PANK1: variants seen among roughly 807,000 people sequenced by gnomAD.
PANK1 encodes pantothenate kinase 1.
Under a neutral mutation model 40.1 loss-of-function variants are expected in PANK1, and 18 were observed. The ratio of observed to expected loss-of-function variants is 0.45; its 90% confidence interval spans 0.31 to 0.67. The LOEUF (loss-of-function observed/expected upper bound fraction) is 0.67. Among genes scored for constraint, PANK1 ranks in the 30% least tolerant of loss-of-function variants. PANK1 has a pLI of 0.06. For missense variants in PANK1, 457 were observed against 599.6 expected, an observed-to-expected ratio of 0.76 and a Z score of 2.48; for synonymous variants, 242 against 237.7, an observed-to-expected ratio of 1.02 and a Z score of -0.17.
intron 2 of PANK1, among the ~76,000 whole-genome samples, chr10:89,607,511 G>A (rs1172905903): frequency 3.9e-5 from 6 of 152,204 alleles, no homozygotes; most frequent in Non-Finnish European, 8.8e-5. Flanking sequence ...GTGCGTACAA[G>A]CCATTGGAAA....
At chr10:89,624,523 A>C (rs1257659180) in intron 1 of PANK1, among the ~76,000 whole-genome samples, 1 of 152,224 alleles carries the variant, frequency 6.6e-6, no homozygotes, top group Non-Finnish European at 1.5e-5. Flanking sequence ...ACATGATACC[A>C]TACCACCATC....
intron 2 of PANK1, among the ~76,000 whole-genome samples, chr10:89,611,353 T>C (rs1363031769): frequency 6.6e-6 from 1 of 152,216 alleles, no homozygotes; most frequent in African/African-American, 2.4e-5. Flanking sequence ...GATTATATAG[T>C]AAAAGTCTGT....
rs767214659 is a variant in PANK1 at position 89,599,234 on chromosome 10, A to G, written c.899+18T>C. Reference sequence around the variant, plus strand: ...AAGAAAGAGGTCTGGGTTCAAGCACAAGCAGAAACATGTTTACCTGGTCCC... The same window carrying G: ...AAGAAAGAGGTCTGGGTTCAAGCACGAGCAGAAACATGTTTACCTGGTCCC... On this transcript the variant is annotated intron_variant, in intron 3 of 6. Coordinates refer to ENST00000307534, the MANE Select transcript of PANK1 (RefSeq NM_148977.3). The G allele has an allele frequency of 1.9e-5, 30 of 1,606,746 alleles. No homozygotes were observed. Among genetic ancestry groups the G allele is most frequent in the Non-Finnish European group, 2.5e-5 (29 of 1,175,780 alleles).
chr10:89,594,071 T>C, intron 3 of PANK1, 82 bp from the exon 4 acceptor site: 5 of 933,242 alleles, frequency 5.4e-6, no homozygotes, highest in Middle Eastern at 4.4e-4. Context: ...AGACTATTAA[T>C]ATGGGTGAAT....
intron 1 of PANK1, among the ~76,000 whole-genome samples, chr10:89,635,277 C>T (rs765128843): frequency 6.6e-6 from 1 of 152,034 alleles, no homozygotes; most frequent in Non-Finnish European, 1.5e-5. Context: ...ATTTATCGGG[C>T]TCACAATTCT....
chr10:89,587,099 G>A (rs558311535), intron 6 of PANK1, among the ~76,000 whole-genome samples: 1 of 152,026 alleles, frequency 6.6e-6, no homozygotes, highest in South Asian at 2.1e-4. Context: ...CTCCAGCCTG[G>A]GTGACAGAGG....
At chr10:89,629,280 CCT>C (rs1841564515) in intron 1 of PANK1, among the ~76,000 whole-genome samples, 1 of 152,060 alleles carries the variant, frequency 6.6e-6, no homozygotes, top group Non-Finnish European at 1.5e-5. Flanking sequence ...ACTGGCATCC[CCT>C]GAGGTTATAG....
intron 1 of PANK1, among the ~76,000 whole-genome samples, chr10:89,633,064 C>T (rs1304195908): frequency 6.6e-6 from 1 of 152,114 alleles, no homozygotes; most frequent in African/African-American, 2.4e-5. Context: ...TCACTGTGTA[C>T]TGGTAAATGT....
rs556135507 is a variant in PANK1 at position 89,605,109 on chromosome 10, T to C, written c.646-5604A>G. 4.6e-5 allele frequency among the ~76,000 whole-genome samples: 7 copies of C among 152,262 alleles called. No homozygotes were observed. The East Asian group carries it at 1.3e-3, about 29-fold the overall frequency. On this transcript the variant is annotated intron_variant, in intron 2 of 6. Transcript: ENST00000307534. The stretch of plus-strand genomic sequence containing the variant: ...TACCTGAATTTTAAAATATATTTAT[T>C]GCTAAAAAATGCGAATCATCTGAGC...
At chr10:89,614,159 C>T (rs1447189479) in intron 1 of PANK1, 1 of 392,162 alleles carries the variant, frequency 2.5e-6, no homozygotes, top group African/African-American at 2.1e-5. Flanking sequence ...GCAACCAGTG[C>T]TGCAGTTGCC....
intron 1 of PANK1, chr10:89,643,910 C>A: frequency 7.4e-7 from 1 of 1,358,696 alleles, no homozygotes; most frequent in South Asian, 1.8e-5. Context: ...GTGTACATTA[C>A]AATTACAAAC....
At chr10:89,600,180 A>G (rs1844732376) in intron 2 of PANK1, among the ~76,000 whole-genome samples, 1 of 152,252 alleles carries the variant, frequency 6.6e-6, no homozygotes, top group African/African-American at 2.4e-5. Context: ...TTTATTTGTT[A>G]TAGCAGTGAC....
At chr10:89,606,502 A>C (rs529794538) in intron 2 of PANK1, among the ~76,000 whole-genome samples, 5 of 152,142 alleles carry the variant, frequency 3.3e-5, no homozygotes, top group South Asian at 2.1e-4. Context: ...ACAAACCAAC[A>C]ACCTCTGCTA....
intron 1 of PANK1, among the ~76,000 whole-genome samples, chr10:89,630,198 G>A (rs914775740): frequency 2.0e-5 from 3 of 151,922 alleles, no homozygotes; most frequent in Non-Finnish European, 4.4e-5. Flanking sequence ...CCGGCCAAAC[G>A]TTAAGACTTT....
chr10:89,630,491 G>GTTTTTTTTTTTTTT (rs202200905), intron 1 of PANK1, among the ~76,000 whole-genome samples: 1 of 132,554 alleles, frequency 7.5e-6, no homozygotes, highest in African/African-American at 3.0e-5. Flanking sequence ...CTAATGTGCA[G>GTTTTTTTTTTTTTT]TTTTTTTGTT....
At chr10:89,633,933 G>A (rs182045007) in intron 1 of PANK1, among the ~76,000 whole-genome samples, 1 of 152,226 alleles carries the variant, frequency 6.6e-6, no homozygotes, top group East Asian at 1.9e-4. Context: ...TGGGTCACAT[G>A]GGTAGAATCT....
chr10:89,644,863 C>A lies in PANK1; in HGVS notation c.29G>T (p.Arg10Leu). Residue 10 changes from arginine (R) to leucine (L), a missense_variant, in exon 1 of 7, where the codon CGC (arginine) becomes CTC (leucine). Physicochemically the swap from Arg to Leu is moderately radical, Grantham distance 102. Transcript: ENST00000307534. ...GGCCCCTGGAGAGTGCGGGACCGAG[C>A]GCTCCTGCTGCCCGCTGCGGTCGCC... Reference protein sequence around the residue: MGDRSGQQERSVPHSPGAPV... With the variant: MGDRSGQQELSVPHSPGAPV... 2 of 1,479,204 alleles carry A rather than the reference C, an allele frequency of 1.4e-6. No homozygotes were observed. The highest frequency in any genetic ancestry group is 1.8e-6 in the Non-Finnish European group (2 of 1,121,300). The allele number at this position is 1,479,204 out of a possible 1,614,324, so 91.6% of individuals were successfully genotyped here.
At chr10:89,584,679 T>A (rs185797268) in intron 6 of PANK1, among the ~76,000 whole-genome samples, 8 of 152,352 alleles carry the variant, frequency 5.3e-5, no homozygotes, top group Non-Finnish European at 8.8e-5. Flanking sequence ...TAGAACTATG[T>A]CTGGTACATG....
rs1844124910 is a variant in PANK1 at position 89,584,301 on chromosome 10, T to G, written c.*105A>C. On this transcript the variant is annotated 3_prime_UTR_variant, in exon 7 of 7. Coordinates refer to ENST00000307534, the MANE Select transcript of PANK1 (RefSeq NM_148977.3). ...TATTTACAAATCCAGCAGGTTCATC[T>G]GCCATAATGGCTTGGCTTCCGTCCC... 2 of 703,048 alleles carry G rather than the reference T, an allele frequency of 2.8e-6. No individual in the cohort carries two copies. Among genetic ancestry groups the G allele is most frequent in the African/African-American group, 1.8e-5 (1 of 56,556 alleles). 43.6% of individuals were successfully genotyped at this position (703,048 alleles called of 1,614,324 possible).
Sources: allele counts gnomAD v4.1 joint callset (sites outside exome capture counted in the v4.1 genomes callset), GRCh38; gene constraint gnomAD v4.1.1; transcripts MANE v1.5; gene names NCBI Gene and HGNC (gene_info 2026-07-23, HGNC 2026-07-21).